IL1RAPL1: variants seen among roughly 807,000 people sequenced by gnomAD.
IL1RAPL1 encodes interleukin 1 receptor accessory protein like 1.
In IL1RAPL1, 3 loss-of-function variants were observed where a neutral mutation model predicts 48.4. That is an observed-to-expected ratio of 0.06 (90% CI 0.03 to 0.16). IL1RAPL1 has a LOEUF of 0.16. Among genes scored for constraint, IL1RAPL1 ranks in the 10% least tolerant of loss-of-function variants. IL1RAPL1 has a pLI of 1.00. For missense variants in IL1RAPL1, 349 were observed against 530.6 expected (o/e 0.66, Z 3.36); for synonymous variants, 185 against 187.7 (o/e 0.99, Z 0.12).
chrX:29,583,474 T>A (rs1923047601), intron 5 of IL1RAPL1, among the ~76,000 whole-genome samples: 1 of 25,761 alleles, frequency 3.9e-5, no homozygotes, highest in Non-Finnish European at 7.1e-5. Context: ...CACAATTGCT[T>A]CAAAGAGAAT....
chrX:28,974,988 C>T (rs1461717179), intron 2 of IL1RAPL1, among the ~76,000 whole-genome samples: 1 of 112,077 alleles, frequency 8.9e-6, no homozygotes, highest in Non-Finnish European at 1.9e-5. Context: ...GGAAGTTTTT[C>T]ATATTGACTC....
intron 6 of IL1RAPL1, among the ~76,000 whole-genome samples, chrX:29,867,018 T>C (rs745855995): frequency 9.0e-6 from 1 of 111,366 alleles, no homozygotes; most frequent in South Asian, 3.9e-4. Context: ...TCTTAAGATG[T>C]TGTCAAATAA....
rs372800744 is a variant in IL1RAPL1, at chrX:28,786,647, A to G, written c.-24-2673A>G. On this transcript the variant is annotated intron_variant, in intron 1 of 10. Coordinates refer to ENST00000378993, the MANE Select transcript of IL1RAPL1 (RefSeq NM_014271.4). ...TTTATAGGTGGCAAAGCTGGGATAT[A>G]TAGACTTTCTGCTCTTAACCATTGT... 2.1e-4 allele frequency among the ~76,000 whole-genome samples: 23 copies of G among 112,080 alleles called. No homozygotes were observed. In the South Asian group the frequency reaches 7.8e-3, roughly 38 times the overall value.
intron 2 of IL1RAPL1, among the ~76,000 whole-genome samples, chrX:28,897,721 C>G (rs1053700320): frequency 8.9e-6 from 1 of 112,018 alleles, no homozygotes; most frequent in Non-Finnish European, 1.9e-5. Context: ...ATTTCACTCG[C>G]GTCTGTGTGA....
At chrX:28,818,387 G>A (rs5985916) in intron 2 of IL1RAPL1, among the ~76,000 whole-genome samples, 1,783 of 110,597 alleles carry the variant, frequency 0.016, 47 homozygotes, top group African/African-American at 0.056. Flanking sequence ...AATTAAGAGC[G>A]TGGAAAATCT....
At chrX:29,098,192 T>C (rs1221457790) in intron 2 of IL1RAPL1, among the ~76,000 whole-genome samples, 1 of 111,432 alleles carries the variant, frequency 9.0e-6, no homozygotes, top group Non-Finnish European at 1.9e-5. Flanking sequence ...TCCTCTATAG[T>C]GTCTCCTCTG....
intron 6 of IL1RAPL1, among the ~76,000 whole-genome samples, chrX:29,698,157 A>G (rs2147114318): frequency 1.0e-5 from 1 of 100,330 alleles, no homozygotes; most frequent in East Asian, 3.1e-4. Context: ...GGTCTTTACT[A>G]TTTCTGGAAT....
intron 2 of IL1RAPL1, among the ~76,000 whole-genome samples, chrX:29,200,532 T>C (rs1161696224): frequency 6.3e-5 from 7 of 111,617 alleles, no homozygotes; most frequent in Admixed American, 3.8e-4. Flanking sequence ...CAAAATCACA[T>C]TGAAAGGGGG....
chrX:29,101,936 G>A (rs1044642046), intron 2 of IL1RAPL1, among the ~76,000 whole-genome samples: 3 of 111,120 alleles, frequency 2.7e-5, no homozygotes, highest in African/African-American at 9.8e-5. Context: ...AAACTCTCTC[G>A]AAAAAATAAA....
chrX:29,043,836 C>T (rs774403567), intron 2 of IL1RAPL1, among the ~76,000 whole-genome samples: 4 of 111,830 alleles, frequency 3.6e-5, no homozygotes, highest in Non-Finnish European at 7.5e-5. Context: ...TATTTAATTT[C>T]GAGCTCCCCT....
At chrX:29,133,513 G>A (rs766169476) in intron 2 of IL1RAPL1, among the ~76,000 whole-genome samples, 3 of 111,301 alleles carry the variant, frequency 2.7e-5, no homozygotes, top group African/African-American at 9.8e-5. Flanking sequence ...GATTAATGCA[G>A]TTTATTTTAG....
At chrX:28,962,351 C>T (rs779471413) in intron 2 of IL1RAPL1, among the ~76,000 whole-genome samples, 37 of 111,829 alleles carry the variant, frequency 3.3e-4, no homozygotes, top group South Asian at 1.1e-3. Flanking sequence ...ACTACCTCTT[C>T]TTATGTTTAG....
At chrX:29,088,672 C>CAAAA (rs1182451817) in intron 2 of IL1RAPL1, among the ~76,000 whole-genome samples, 228 of 32,800 alleles carry the variant, frequency 7.0e-3, no homozygotes, top group African/African-American at 8.1e-3. Flanking sequence ...CACTCCTTCT[C>CAAAA]AAAAAAAAAA....
At chrX:28,863,873 C>T (rs1232535804) in intron 2 of IL1RAPL1, among the ~76,000 whole-genome samples, 3 of 111,286 alleles carry the variant, frequency 2.7e-5, no homozygotes, top group African/African-American at 9.8e-5. Context: ...TAACCATTTC[C>T]CCAAACTTGG....
rs146384353 is a variant in IL1RAPL1, at chrX:29,579,648, A to G, written c.704-88782A>G. ...GACCAATTCGATTTTTCTACTTCTT[A>G]GTTGACTCCTTCATGAACTTTTGGA... On this transcript the variant is annotated intron_variant, in intron 5 of 10. Transcript: ENST00000378993. Among the ~76,000 whole-genome samples, 764 of 112,156 alleles carry G rather than the reference A, an allele frequency of 6.8e-3. 5 individuals are homozygous for G. The highest frequency in any genetic ancestry group is 0.011 in the Admixed American group (118 of 10,548).
intron 2 of IL1RAPL1, among the ~76,000 whole-genome samples, chrX:29,258,347 G>A (rs986831569): frequency 4.5e-5 from 5 of 111,343 alleles, no homozygotes; most frequent in South Asian, 7.3e-4. Flanking sequence ...TAATTTTCAC[G>A]TCACAAAAAA....
intron 2 of IL1RAPL1, among the ~76,000 whole-genome samples, chrX:29,055,704 T>C (rs935389286): frequency 8.9e-6 from 1 of 112,082 alleles, no homozygotes; most frequent in South Asian, 3.7e-4. Context: ...ATGTTTAAAA[T>C]TTGTTCACAT....
chrX:29,191,919 C>T (rs1474740098), intron 2 of IL1RAPL1, among the ~76,000 whole-genome samples: 1 of 111,687 alleles, frequency 9.0e-6, no homozygotes, highest in Non-Finnish European at 1.9e-5. Flanking sequence ...TACCCCAGCT[C>T]CTTGTCGCAC....
chrX:29,139,113 C>A (rs972629177), intron 2 of IL1RAPL1, among the ~76,000 whole-genome samples: 13 of 111,683 alleles, frequency 1.2e-4, no homozygotes, highest in African/African-American at 4.2e-4. Context: ...CAGCCAGTAG[C>A]ACTGGATTTC....
Sources: allele counts gnomAD v4.1 joint callset (sites outside exome capture counted in the v4.1 genomes callset), GRCh38; gene constraint gnomAD v4.1.1; transcripts MANE v1.5; gene names NCBI Gene and HGNC (gene_info 2026-07-23, HGNC 2026-07-21).